Variants in GALNTL6 observed in about 807,000 individuals in gnomAD.
GALNTL6 encodes polypeptide N-acetylgalactosaminyltransferase-like 6.
GALNTL6 carries 46 observed loss-of-function variants against 73.7 expected under a neutral mutation model. The ratio of observed to expected loss-of-function variants is 0.62; its 90% CI spans 0.49 to 0.80. The LOEUF (loss-of-function observed/expected upper bound fraction) is 0.80. Among genes scored for constraint, GALNTL6 ranks in the 30% least tolerant of loss-of-function variants. The pLI, the probability that GALNTL6 is intolerant of heterozygous loss-of-function variation, is 0.00. For synonymous variants in GALNTL6, 259 were observed against 263.7 expected (o/e 0.98, Z 0.17); for missense variants, 604 against 755.0 (o/e 0.80, Z 2.34).
chr4:171,816,058 C>T (rs1001676629), intron 2 of GALNTL6: 2 of 152,090 alleles, frequency 1.3e-5, no homozygotes, highest in African/African-American at 2.4e-5. Flanking sequence ...AAGATGGACA[C>T]TTTGGATGTG....
intron 5 of GALNTL6, chr4:172,425,252 A>G (rs1199930173): frequency 2.0e-5 from 3 of 152,134 alleles, no homozygotes; most frequent in African/African-American, 7.2e-5. Context: ...AAGGTATGCA[A>G]TGAATATGAT....
intron 10 of GALNTL6, among the ~76,000 whole-genome samples, chr4:172,964,674 T>G (rs1362951687): frequency 2.0e-5 from 3 of 152,228 alleles, no homozygotes; most frequent in Admixed American, 2.0e-4. Context: ...TTCTTTCTTC[T>G]AATGTTCTGG....
In GALNTL6 at chr4:173,041,436, G is replaced by C. The variant is rs1167608158; in HGVS notation, c.*1336G>C. On this transcript the variant is annotated 3_prime_UTR_variant, in exon 13 of 13. Coordinates refer to ENST00000506823, the MANE Select transcript of GALNTL6 (RefSeq NM_001034845.3). ...AACACAGGTATCAAGGTGGTTCTTG[G>C]GAAAAAAGAATCATGTTTATTATAT... 6.6e-6 allele frequency: 1 copy of C among 151,844 alleles called. No homozygotes were observed. Among genetic ancestry groups the C allele is most frequent in the East Asian group, 1.9e-4 (1 of 5,196 alleles). 9.4% of individuals were successfully genotyped at this position (151,844 alleles called of 1,614,324 possible).
chr4:172,236,691 G>A (rs1048650754), intron 3 of GALNTL6, among the ~76,000 whole-genome samples: 2 of 151,910 alleles, frequency 1.3e-5, no homozygotes, highest in African/African-American at 4.8e-5. Flanking sequence ...GGAATATTTG[G>A]TGATTTTTTA....
At chr4:172,456,632 C>T (rs1053909658) in intron 5 of GALNTL6, among the ~76,000 whole-genome samples, 8 of 151,424 alleles carry the variant, frequency 5.3e-5, no homozygotes, top group East Asian at 3.9e-4. Context: ...TGAAATAAAG[C>T]GTGAAGACAA....
At chr4:172,084,273 T>A (rs561841419) in intron 2 of GALNTL6, among the ~76,000 whole-genome samples, 1 of 152,082 alleles carries the variant, frequency 6.6e-6, no homozygotes, top group Non-Finnish European at 1.5e-5. Flanking sequence ...AAATGGAGTA[T>A]GAGAAAATGA....
intron 2 of GALNTL6, among the ~76,000 whole-genome samples, chr4:172,106,421 TTAATC>T (rs1732676464): frequency 6.6e-6 from 1 of 152,314 alleles, no homozygotes; most frequent in South Asian, 2.1e-4. Context: ...CTGAAACTCT[TTAATC>T]TATGTAATAA....
chr4:173,025,857 T>C (rs899111100), intron 12 of GALNTL6, among the ~76,000 whole-genome samples: 2 of 150,814 alleles, frequency 1.3e-5, no homozygotes, highest in African/African-American at 4.9e-5. Flanking sequence ...TTCACCAACA[T>C]AATAATGATA....
chr4:172,161,144 A>G (rs1234359255), intron 2 of GALNTL6, among the ~76,000 whole-genome samples: 1 of 151,830 alleles, frequency 6.6e-6, no homozygotes, highest in African/African-American at 2.4e-5. Flanking sequence ...TTCTATTTTT[A>G]ATTTTAGTTT....
chr4:172,746,320 A>G (rs1444668634), intron 5 of GALNTL6, among the ~76,000 whole-genome samples: 1 of 152,064 alleles, frequency 6.6e-6, no homozygotes, highest in Non-Finnish European at 1.5e-5. Context: ...GTTAACAACA[A>G]TGGTACCAAT....
At chr4:172,584,250 G>A (rs974290909) in intron 5 of GALNTL6, among the ~76,000 whole-genome samples, 2 of 152,168 alleles carry the variant, frequency 1.3e-5, no homozygotes, top group Non-Finnish European at 2.9e-5. Flanking sequence ...AATGATGTTT[G>A]AGGGCTAGCC....
At chr4:171,901,204 C>G (rs1737083081) in intron 2 of GALNTL6, among the ~76,000 whole-genome samples, 1 of 152,100 alleles carries the variant, frequency 6.6e-6, no homozygotes, top group South Asian at 2.1e-4. Flanking sequence ...TACCTCCAGA[C>G]TATATTTAAG....
chr4:172,813,537 CA>C lies in GALNTL6; in HGVS notation c.740-2del, dbSNP rs750221807. On this transcript the variant is annotated splice_acceptor_variant, in intron 6 of 12. Coordinates refer to ENST00000506823, the MANE Select transcript of GALNTL6 (RefSeq NM_001034845.3). LOFTEE classifies it high-confidence loss of function. ...TTTCCTATTTTGTGCTTTCATTTTT[CA>C]GACCAAATTGCACTAAACCACAAAA... The C allele has an allele frequency of 6.3e-7, 1 of 1,586,106 alleles. No homozygotes were observed. The highest frequency in any genetic ancestry group is 1.7e-5 in the Admixed American group (1 of 59,020).
intron 2 of GALNTL6, among the ~76,000 whole-genome samples, chr4:172,122,120 T>A (rs114362676): frequency 3.0e-3 from 455 of 151,208 alleles, no homozygotes; most frequent in African/African-American, 0.01. Flanking sequence ...TCATCTAGTA[T>A]CCCATGACTA....
At chr4:172,264,027 A>G (rs1738347075) in intron 3 of GALNTL6, among the ~76,000 whole-genome samples, 1 of 151,362 alleles carries the variant, frequency 6.6e-6, no homozygotes, top group Non-Finnish European at 1.5e-5. Flanking sequence ...TACTAATATC[A>G]CTACATTTTT....
intron 5 of GALNTL6, among the ~76,000 whole-genome samples, chr4:172,737,757 A>G (rs1001642665): frequency 1.3e-5 from 2 of 152,126 alleles, no homozygotes; most frequent in African/African-American, 4.8e-5. Flanking sequence ...TCCAGTTTTT[A>G]TTGAATACAT....
chr4:171,844,471 G>C (rs1735318558), intron 2 of GALNTL6, among the ~76,000 whole-genome samples: 1 of 151,716 alleles, frequency 6.6e-6, no homozygotes, highest in African/African-American at 2.4e-5. Flanking sequence ...TAAAACTCTT[G>C]GTGACATTCA....
chr4:172,882,957 C>A (rs1745537094), intron 8 of GALNTL6, 50 bp downstream of exon 8: 1 of 964,852 alleles, frequency 1.0e-6, no homozygotes, highest in Non-Finnish European at 1.6e-6. Flanking sequence ...TTTGACAATT[C>A]TGATAGAATA....
At chr4:172,867,050 T>C (rs1427269475) in intron 7 of GALNTL6, among the ~76,000 whole-genome samples, 1 of 152,178 alleles carries the variant, frequency 6.6e-6, no homozygotes, top group East Asian at 1.9e-4. Context: ...CCTCATTCAG[T>C]CTTTAAAAGT....
Sources: gnomAD v4.1 joint callset for allele counts (sites outside exome capture counted in the v4.1 genomes callset) on GRCh38, gnomAD v4.1.1 for gene constraint, MANE v1.5 for transcripts, NCBI Gene and HGNC (gene_info 2026-07-23, HGNC 2026-07-21) for gene names.